PDE4D: variants seen among roughly 807,000 people sequenced by gnomAD.
PDE4D encodes phosphodiesterase 4D.
PDE4D carries 24 observed loss-of-function variants against 87.4 expected under a neutral mutation model. That is an observed-to-expected ratio of 0.27 (90% CI 0.20 to 0.39). PDE4D has a LOEUF of 0.39. PDE4D is among the 10% of genes least tolerant of loss of function. The pLI, the probability that PDE4D is intolerant of heterozygous loss-of-function variation, is 1.00. For synonymous variants in PDE4D, 384 were observed against 383.2 expected (o/e 1.00, Z -0.02); for missense variants, 714 against 1,041.0 (o/e 0.69, Z 4.32).
chr5:59,334,837 T>C (rs74338533), intron 1 of PDE4D, among the ~76,000 whole-genome samples: 439 of 152,252 alleles, frequency 2.9e-3, no homozygotes, highest in African/African-American at 0.01. Flanking sequence ...GTCTCTTCCA[T>C]GGAAGAGATC....
At chr5:60,139,128 G>C (rs1780304600) in intron 2 of PDE4D, among the ~76,000 whole-genome samples, 1 of 151,972 alleles carries the variant, frequency 6.6e-6, no homozygotes, top group Non-Finnish European at 1.5e-5. Flanking sequence ...TGATGAAGTT[G>C]CTGCTGTACA....
intron 1 of PDE4D, among the ~76,000 whole-genome samples, chr5:59,856,727 C>A (rs1261252975): frequency 6.6e-6 from 1 of 152,154 alleles, no homozygotes; most frequent in Non-Finnish European, 1.5e-5. Context: ...AAGCAGACAT[C>A]TCTCTAGAAA....
chr5:59,068,840 A>G (rs569858462), intron 5 of PDE4D, among the ~76,000 whole-genome samples: 1 of 152,162 alleles, frequency 6.6e-6, no homozygotes, highest in Non-Finnish European at 1.5e-5. Context: ...GCCTAAAACT[A>G]CCTCGCTCAT....
chr5:59,228,288 A>G (rs1197002044), intron 1 of PDE4D, among the ~76,000 whole-genome samples: 2 of 152,136 alleles, frequency 1.3e-5, no homozygotes. Flanking sequence ...AGGATCAGAA[A>G]AAAAATACTA....
At chr5:59,155,845 A>G (rs1210731125) in intron 5 of PDE4D, among the ~76,000 whole-genome samples, 1 of 152,102 alleles carries the variant, frequency 6.6e-6, no homozygotes, top group Non-Finnish European at 1.5e-5. Flanking sequence ...TCAGTAAGAG[A>G]CCTATGGATA....
intron 1 of PDE4D, among the ~76,000 whole-genome samples, chr5:60,244,505 A>C (rs1747483830): frequency 6.6e-6 from 1 of 152,050 alleles, no homozygotes; most frequent in Non-Finnish European, 1.5e-5. Context: ...ATCCTAATCA[A>C]AAGGAACAAA....
chr5:59,436,578 C>T lies in PDE4D; in HGVS notation c.456-220610G>A, dbSNP rs116294708. ...TTGAGACTGAATTGTATGTCTTCTT[C>T]GAAGTTAAAGAACATAAAATCCCAT... On this transcript the variant is annotated intron_variant, in intron 1 of 14. Coordinates refer to ENST00000340635, the MANE Select transcript of PDE4D (RefSeq NM_001104631.2). Among the ~76,000 whole-genome samples, 1,160 of 152,160 alleles carry T rather than the reference C, an allele frequency of 7.6e-3. 23 individuals carry two copies. Among genetic ancestry groups the T allele is most frequent in the African/African-American group, 0.027 (1,107 of 41,508 alleles).
At chr5:59,647,773 C>A (rs1359375969) in intron 1 of PDE4D, among the ~76,000 whole-genome samples, 3 of 152,078 alleles carry the variant, frequency 2.0e-5, no homozygotes, top group Non-Finnish European at 4.4e-5. Context: ...CTATAAAGAT[C>A]TGAATTAAAA....
At chr5:59,587,121 T>G (rs1825269589) in intron 1 of PDE4D, 1 of 452,786 alleles carries the variant, frequency 2.2e-6, no homozygotes, top group African/African-American at 2.1e-5. Flanking sequence ...CACGATGAAA[T>G]TCATTTCTGC....
chr5:59,480,554 G>A (rs1011039548), intron 1 of PDE4D, among the ~76,000 whole-genome samples: 5 of 152,112 alleles, frequency 3.3e-5, no homozygotes, highest in African/African-American at 9.7e-5. Context: ...GATGGGCACT[G>A]TAGTCACATC....
intron 1 of PDE4D, among the ~76,000 whole-genome samples, chr5:60,232,298 CTT>C (rs1233062161): frequency 6.6e-6 from 1 of 151,924 alleles, no homozygotes; most frequent in Admixed American, 6.6e-5. Context: ...GTTCTGTTCT[CTT>C]AAGACAATAA....
chr5:58,985,084 G>A (rs1391392407), intron 11 of PDE4D, among the ~76,000 whole-genome samples: 1 of 151,582 alleles, frequency 6.6e-6, no homozygotes, highest in Non-Finnish European at 1.5e-5. Context: ...TAATTTTTTT[G>A]TATTTTTTTT....
chr5:58,987,551 G>A (rs1746754912), intron 11 of PDE4D, among the ~76,000 whole-genome samples: 1 of 152,128 alleles, frequency 6.6e-6, no homozygotes, highest in South Asian at 2.1e-4. Context: ...CTACAGCAAA[G>A]TACAGGAAAT....
At chr5:59,936,367 A>G (rs933018324) in intron 3 of PDE4D, among the ~76,000 whole-genome samples, 3 of 152,084 alleles carry the variant, frequency 2.0e-5, no homozygotes, top group African/African-American at 7.2e-5. Flanking sequence ...CTAAAAAAAA[A>G]GAAAAGAAAT....
rs1758373994 is a variant in PDE4D at position 59,244,556 on chromosome 5, A to G, written c.456-28588T>C. On this transcript the variant is annotated intron_variant, in intron 1 of 14. Coordinates refer to ENST00000340635, the MANE Select transcript of PDE4D (RefSeq NM_001104631.2). The stretch of plus-strand genomic sequence containing the variant: ...TCTCTCTATATACACACATATATGT[A>G]TACGTGTACACACATATGTATACAC... 2.0e-5 allele frequency among the ~76,000 whole-genome samples: 3 copies of G among 150,680 alleles called. No individual in the cohort carries two copies. The South Asian group carries it at 6.3e-4, about 31-fold the overall frequency.
At chr5:59,079,651 C>T (rs1204194779) in intron 5 of PDE4D, among the ~76,000 whole-genome samples, 3 of 119,712 alleles carry the variant, frequency 2.5e-5, no homozygotes, top group Non-Finnish European at 4.0e-5. Flanking sequence ...CATAGCAGGA[C>T]CCATCTCTAC....
At chr5:59,189,244 GTTTTTTTTGT>G (rs1743693213) in intron 3 of PDE4D, among the ~76,000 whole-genome samples, 8 of 91,390 alleles carry the variant, frequency 8.8e-5, no homozygotes, top group Non-Finnish European at 1.0e-4. Flanking sequence ...TTTTTTTTTT[GTTTTTTTTGT>G]TTTTTTTTTT....
intron 1 of PDE4D, chr5:59,586,547 A>T: frequency 7.1e-7 from 1 of 1,406,638 alleles, no homozygotes; most frequent in Non-Finnish European, 9.2e-7. Flanking sequence ...AAAAACAAAT[A>T]GCAATTACAA....
intron 1 of PDE4D, among the ~76,000 whole-genome samples, chr5:59,475,536 C>T (rs1011655253): frequency 2.0e-5 from 3 of 152,088 alleles, no homozygotes; most frequent in East Asian, 3.9e-4. Context: ...AGAGCAGGAA[C>T]CATAACTTGA....
Sources: gnomAD v4.1 joint callset for allele counts (sites outside exome capture counted in the v4.1 genomes callset) on GRCh38, gnomAD v4.1.1 for gene constraint, MANE v1.5 for transcripts, NCBI Gene and HGNC (gene_info 2026-07-23, HGNC 2026-07-21) for gene names.